ADGRB3: variants seen among roughly 807,000 people sequenced by gnomAD.
ADGRB3 encodes the protein adhesion G protein-coupled receptor B3.
In ADGRB3, 37 loss-of-function variants were observed where a neutral mutation model predicts 193.4. The ratio of observed to expected loss-of-function variants is 0.19; its 90% CI spans 0.15 to 0.25. ADGRB3 has a LOEUF of 0.25. Among genes scored for constraint, ADGRB3 ranks in the 10% least tolerant of loss-of-function variants. The probability of loss-of-function intolerance (pLI) is 1.00; values close to 1 mark genes in which losing one functional copy is unlikely to be tolerated. For synonymous variants in ADGRB3, 690 were observed against 644.2 expected (o/e 1.07, Z -1.08); for missense variants, 1,637 against 1,852.9 (o/e 0.88, Z 2.14).
chr6:69,160,955 A>C (rs775899552), intron 17 of ADGRB3, among the ~76,000 whole-genome samples: 1 of 152,242 alleles, frequency 6.6e-6, no homozygotes, highest in East Asian at 1.9e-4. Flanking sequence ...TTAGCTCAAT[A>C]TGCCAACTCA....
chr6:68,918,749 A>G (rs966569146), intron 3 of ADGRB3, among the ~76,000 whole-genome samples: 9 of 151,858 alleles, frequency 5.9e-5, no homozygotes, highest in African/African-American at 2.2e-4. Context: ...TTCTGGGGCT[A>G]TTTTCTTTAT....
chr6:69,294,026 T>C (rs1364260705), intron 20 of ADGRB3, among the ~76,000 whole-genome samples: 1 of 152,154 alleles, frequency 6.6e-6, no homozygotes, highest in African/African-American at 2.4e-5. Context: ...TTCCTCCTAT[T>C]GCTAATCTCT....
At chr6:68,734,329 G>T (rs1400026526) in intron 3 of ADGRB3, among the ~76,000 whole-genome samples, 1 of 151,966 alleles carries the variant, frequency 6.6e-6, no homozygotes, top group Non-Finnish European at 1.5e-5. Flanking sequence ...GGGTGAATTT[G>T]AACATTTTAT....
chr6:69,210,149 C>CATATATATATATAT (rs58586306), intron 17 of ADGRB3, among the ~76,000 whole-genome samples: 2,318 of 78,760 alleles, frequency 0.029, 248 homozygotes, highest in Non-Finnish European at 0.042. Flanking sequence ...TAATATATAT[C>CATATATATATATAT]ATATATATAT....
chr6:68,779,472 G>A (rs978405324), intron 3 of ADGRB3, among the ~76,000 whole-genome samples: 1 of 151,920 alleles, frequency 6.6e-6, no homozygotes, highest in Non-Finnish European at 1.5e-5. Flanking sequence ...CAGAGATTAT[G>A]TAACCATTGC....
intron 17 of ADGRB3, among the ~76,000 whole-genome samples, chr6:69,078,575 G>T (rs1056925524): frequency 1.3e-5 from 2 of 151,886 alleles, no homozygotes; most frequent in Non-Finnish European, 1.5e-5. Flanking sequence ...CATTGTATAG[G>T]TATATCAAAG....
intron 8 of ADGRB3, among the ~76,000 whole-genome samples, chr6:68,960,055 G>A (rs570424930): frequency 6.6e-6 from 1 of 152,236 alleles, no homozygotes; most frequent in Non-Finnish European, 1.5e-5. Context: ...CTGCTGGACT[G>A]TCCTAAGTTT....
At chr6:68,918,979 T>C (rs1196025944) in intron 3 of ADGRB3, among the ~76,000 whole-genome samples, 1 of 152,126 alleles carries the variant, frequency 6.6e-6, no homozygotes, top group Admixed American at 6.5e-5. Context: ...TTTCAGTTTT[T>C]TTCCTCTGGT....
chr6:68,730,798 C>G (rs1765758989), intron 3 of ADGRB3, among the ~76,000 whole-genome samples: 1 of 151,576 alleles, frequency 6.6e-6, no homozygotes, highest in Non-Finnish European at 1.5e-5. Context: ...TTATATGTAG[C>G]TTTCATTCAT....
intron 11 of ADGRB3, among the ~76,000 whole-genome samples, chr6:69,013,813 C>T (rs1161728616): frequency 1.3e-5 from 2 of 151,960 alleles, no homozygotes; most frequent in African/African-American, 4.8e-5. Context: ...AGTGTTTTCC[C>T]TATTCTGACC....
intron 3 of ADGRB3, among the ~76,000 whole-genome samples, chr6:68,910,413 A>G (rs1037150028): frequency 2.6e-5 from 4 of 152,114 alleles, no homozygotes; most frequent in Non-Finnish European, 5.9e-5. Context: ...TAGTTTAATT[A>G]GATCCCATTT....
intron 16 of ADGRB3, among the ~76,000 whole-genome samples, chr6:69,075,774 T>C (rs937798927): frequency 6.6e-6 from 1 of 152,148 alleles, no homozygotes; most frequent in African/African-American, 2.4e-5. Flanking sequence ...AGTTAGAGTA[T>C]TTGGAATAAA....
chr6:69,052,623 T>A (rs1771431583), intron 15 of ADGRB3, among the ~76,000 whole-genome samples: 1 of 152,218 alleles, frequency 6.6e-6, no homozygotes, highest in Non-Finnish European at 1.5e-5. Context: ...GTTTAGAAAT[T>A]GTCCTTCATA....
chr6:68,973,549 C>T (rs933850987), intron 8 of ADGRB3, among the ~76,000 whole-genome samples: 2 of 152,160 alleles, frequency 1.3e-5, no homozygotes, highest in Admixed American at 6.6e-5. Flanking sequence ...GAAGATGTTT[C>T]TCCCAAGAAA....
chr6:69,007,660 A>C (rs1769798715), intron 11 of ADGRB3, among the ~76,000 whole-genome samples: 1 of 146,024 alleles, frequency 6.8e-6, no homozygotes, highest in Non-Finnish European at 1.5e-5. Flanking sequence ...TATCTAATCT[A>C]AAGTAATCTC....
At chr6:68,638,492 A>G (rs1196218832) in intron 2 of ADGRB3, among the ~76,000 whole-genome samples, 169 bp from the exon 3 acceptor site, 2 of 152,250 alleles carry the variant, frequency 1.3e-5, no homozygotes, top group African/African-American at 4.8e-5. Flanking sequence ...CTGTTCACAC[A>G]GCAACAGATA....
chr6:68,679,370 G>A (rs1005313252), intron 3 of ADGRB3, among the ~76,000 whole-genome samples: 2 of 152,102 alleles, frequency 1.3e-5, no homozygotes, highest in African/African-American at 4.8e-5. Context: ...GGGACATAGG[G>A]TCTCTTGAAT....
chr6:69,200,059 T>A (rs931103981), intron 17 of ADGRB3, among the ~76,000 whole-genome samples: 1 of 152,124 alleles, frequency 6.6e-6, no homozygotes. Flanking sequence ...TTAAGATTGC[T>A]AGAGCTTGAT....
At chr6:69,206,228 A>T (rs1406286098) in intron 17 of ADGRB3, among the ~76,000 whole-genome samples, 1 of 151,722 alleles carries the variant, frequency 6.6e-6, no homozygotes, top group African/African-American at 2.4e-5. Context: ...TGGGAGAAAG[A>T]TGTAGGCTGG....
Sources: gnomAD v4.1 joint callset for allele counts (sites outside exome capture counted in the v4.1 genomes callset) on GRCh38, gnomAD v4.1.1 for gene constraint, MANE v1.5 for transcripts, NCBI Gene and HGNC (gene_info 2026-07-23, HGNC 2026-07-21) for gene names.